The following MYO5C variants were observed in gnomAD, a reference collection of about 807,000 sequenced individuals.
MYO5C encodes the protein myosin VC.
Under a neutral mutation model 235.7 loss-of-function variants are expected in MYO5C, and 194 were observed. The observed-to-expected ratio is 0.82, with a 90% CI of 0.73 to 0.93. The LOEUF (loss-of-function observed/expected upper bound fraction) is 0.93, where lower values mean the gene tolerates loss of function less well. Ranked by LOEUF, MYO5C falls within the 40% of genes least tolerant of loss-of-function variation. The pLI is 0.00. For synonymous variants in MYO5C, 707 were observed against 754.8 expected, an observed-to-expected ratio of 0.94 and a Z score of 1.04; for missense variants, 2,038 against 2,127.2, an observed-to-expected ratio of 0.96 and a Z score of 0.82.
intron 31 of MYO5C, among the ~76,000 whole-genome samples, chr15:52,219,149 C>T (rs1163654191): frequency 6.6e-6 from 1 of 152,162 alleles, no homozygotes; most frequent in African/African-American, 2.4e-5. Flanking sequence ...CTGATAAAGT[C>T]ACATAACTAA....
At chr15:52,242,267 A>T (rs1308762524) in intron 19 of MYO5C, 54 bp from the exon 20 acceptor site, 17 of 1,542,672 alleles carry the variant, frequency 1.1e-5, no homozygotes, top group Non-Finnish European at 1.2e-5. Context: ...ATCAACTTCC[A>T]TAACAGAGCT....
chr15:52,219,839 T>C lies in MYO5C; in HGVS notation c.3722-17A>G. On this transcript the variant is annotated splice_polypyrimidine_tract_variant and intron_variant, in intron 30 of 40. Coordinates refer to ENST00000261839, the MANE Select transcript of MYO5C (RefSeq NM_018728.4). Reference sequence around the variant, plus strand: ...CTAGTTTTCCTATAATGAGAAGAACTGTCAGTACTTTGGGGGGGCACATAT... The same window carrying C: ...CTAGTTTTCCTATAATGAGAAGAACCGTCAGTACTTTGGGGGGGCACATAT... 2 of 1,598,938 alleles carry C rather than the reference T, an allele frequency of 1.3e-6. No homozygotes were observed. Among genetic ancestry groups the C allele is most frequent in the Non-Finnish European group, 1.7e-6 (2 of 1,168,068 alleles).
At position 52,227,195 on chromosome 15, in the gene MYO5C, T is replaced by C. The variant is rs867304213; in HGVS notation, c.3208-1663A>G. Among the ~76,000 whole-genome samples the C allele has an allele frequency of 5.8e-4, 62 of 106,232 alleles. 2 individuals carry two copies. The highest frequency in any genetic ancestry group is 2.5e-3 in the African/African-American group (59 of 23,520). The allele number at this position is 106,232 out of a possible 152,430, so 69.7% of individuals were successfully genotyped here. On this transcript the variant is annotated intron_variant, in intron 25 of 40. Transcript: ENST00000261839. ...AAACACAAAAACCCAGAGTAATTTT[T>C]TTTTTTTTTTTTTTGTTGAGACGGA...
chr15:52,233,547 G>C (rs1034192000), intron 23 of MYO5C, among the ~76,000 whole-genome samples: 1 of 152,174 alleles, frequency 6.6e-6, no homozygotes, highest in African/African-American at 2.4e-5. Context: ...CAAATGTCTG[G>C]GGGGTGAGGT....
At chr15:52,294,692 A>AT (rs5812592) in intron 1 of MYO5C, among the ~76,000 whole-genome samples, 118,414 of 150,092 alleles carry the variant, frequency 0.79, 47,486 homozygotes, top group Non-Finnish European at 0.87. Flanking sequence ...ATTCAAATGG[A>AT]TTTTTTTTTT....
chr15:52,233,840 T>G (rs1280716764), intron 23 of MYO5C, among the ~76,000 whole-genome samples: 1 of 152,228 alleles, frequency 6.6e-6, no homozygotes. Flanking sequence ...ATCTCATCCT[T>G]GAGCTCTACC....
chr15:52,280,394 G>A (rs981560672), intron 2 of MYO5C, among the ~76,000 whole-genome samples: 1 of 152,264 alleles, frequency 6.6e-6, no homozygotes, highest in African/African-American at 2.4e-5. Flanking sequence ...TATTCCTAAA[G>A]CAGCTGCCTT....
Position 52,237,478 on chromosome 15 carries a change from T to C in MYO5C, c.2868+4A>G. 6.2e-7 allele frequency: 1 copy of C among 1,613,622 alleles called. No individual in the cohort carries two copies. Among genetic ancestry groups the C allele is most frequent in the Non-Finnish European group, 8.5e-7 (1 of 1,179,732 alleles). ...CCATCCCGTCTCACACGCCCGCAGC[T>C]GACCTCTTCCACAGCATCCCTGTAT... On this transcript the variant is annotated splice_donor_region_variant and intron_variant, in intron 22 of 40. Coordinates refer to ENST00000261839, the MANE Select transcript of MYO5C (RefSeq NM_018728.4).
chr15:52,253,492 G>A, intron 11 of MYO5C, 35 bp from the exon 12 acceptor site: 1 of 1,589,578 alleles, frequency 6.3e-7, no homozygotes, highest in Admixed American at 1.8e-5. Flanking sequence ...AAGTAAAACA[G>A]AATATTAAAA....
intron 26 of MYO5C, 100 bp from the exon 27 acceptor site, chr15:52,225,238 G>C: frequency 7.6e-7 from 1 of 1,311,746 alleles, no homozygotes; most frequent in Non-Finnish European, 1.1e-6. Flanking sequence ...ACAGTCTCCA[G>C]CTAAATAACT....
intron 1 of MYO5C, among the ~76,000 whole-genome samples, chr15:52,293,045 A>G (rs531643425): frequency 5.8e-4 from 88 of 152,360 alleles, no homozygotes; most frequent in Middle Eastern, 6.8e-3. Context: ...AGAGAATGCC[A>G]GACCGGCTCT....
chr15:52,196,510 A>T (rs747382371), intron 38 of MYO5C, 27 bp from the exon 39 acceptor site: 7 of 1,601,780 alleles, frequency 4.4e-6, no homozygotes, highest in Middle Eastern at 3.3e-4. Context: ...AAGAACAGAG[A>T]ATACTTTAGG....
At chr15:52,283,400 T>C (rs1005685892) in intron 1 of MYO5C, among the ~76,000 whole-genome samples, 1 of 152,236 alleles carries the variant, frequency 6.6e-6, no homozygotes, top group Non-Finnish European at 1.5e-5. Context: ...AATGTCATCA[T>C]AATCTTATCA....
chr15:52,251,645 A>T lies in MYO5C; in HGVS notation c.1537-130T>A, dbSNP rs961976181. The T allele has an allele frequency of 2.3e-4, 33 of 145,892 alleles. 1 individual carries two copies. The highest frequency in any genetic ancestry group is 1.8e-3 in the African/African-American group (28 of 15,492). 9.0% of individuals were successfully genotyped at this position (145,892 alleles called of 1,614,324 possible). The stretch of plus-strand genomic sequence containing the variant: ...AACTGCTCTCAATTAGAGGCTTTTT[A>T]TTTATTTATTTATTTATTTATTTAT... On this transcript the variant is annotated intron_variant, in intron 12 of 40. Coordinates refer to ENST00000261839, the MANE Select transcript of MYO5C (RefSeq NM_018728.4).
At chr15:52,274,568 G>A (rs928122770) in intron 5 of MYO5C, among the ~76,000 whole-genome samples, 1 of 152,024 alleles carries the variant, frequency 6.6e-6, no homozygotes, top group Non-Finnish European at 1.5e-5. Context: ...GTGAGCCACC[G>A]CACCCAGCCT....
chr15:52,277,878 C>A (rs1187814849), intron 4 of MYO5C: 4 of 455,826 alleles, frequency 8.8e-6, no homozygotes, highest in African/African-American at 6.0e-5. Flanking sequence ...TCATTATAAG[C>A]ATCAGAACCA....
chr15:52,272,977 G>A (rs1462227762), intron 5 of MYO5C, among the ~76,000 whole-genome samples: 1 of 152,184 alleles, frequency 6.6e-6, no homozygotes, highest in African/African-American at 2.4e-5. Context: ...AGGTTCTGAT[G>A]TTTCAGGGTC....
chr15:52,204,984 C>A lies in MYO5C; in HGVS notation c.4701G>T (p.Leu1567=). 1 of 1,614,234 alleles carries A rather than the reference C, an allele frequency of 6.2e-7. No individual in the cohort carries two copies. Among genetic ancestry groups the A allele is most frequent in the Non-Finnish European group, 8.5e-7 (1 of 1,180,036 alleles). The part of the protein sequence containing the change: ...YFYTTMCQNG[L]DPELVRQAVK... ...CCGCCTGCCTCACAAGCTCGGGGTC[C>A]AGGCCGTTCTGGCACATGGTGGTGT... Residue 1567 remains leucine, a synonymous_variant, in exon 38 of 41, where the codon CTG becomes CTT. Transcript: ENST00000261839.
intron 11 of MYO5C, among the ~76,000 whole-genome samples, chr15:52,255,829 G>A (rs1476191772): frequency 7.5e-5 from 11 of 147,454 alleles, no homozygotes; most frequent in Admixed American, 2.0e-4. Context: ...TTGGTACCTG[G>A]TATACACAGT....
Sources: allele counts gnomAD v4.1 joint callset (sites outside exome capture counted in the v4.1 genomes callset), GRCh38; gene constraint gnomAD v4.1.1; transcripts MANE v1.5; gene names NCBI Gene and HGNC (gene_info 2026-07-23, HGNC 2026-07-21).